The following CREB5 variants were observed in gnomAD, a reference collection of about 807,000 sequenced individuals.
The protein encoded by CREB5 is cAMP responsive element binding protein 5.
Under a neutral mutation model 57.1 loss-of-function variants are expected in CREB5, and 19 were observed. The ratio of observed to expected loss-of-function variants is 0.33; its 90% CI spans 0.23 to 0.49. The LOEUF (loss-of-function observed/expected upper bound fraction) is 0.49. Among genes scored for constraint, CREB5 ranks in the 20% least tolerant of loss-of-function variants. The pLI is 0.99. For missense variants in CREB5, 579 were observed against 671.6 expected (o/e 0.86, Z 1.52); for synonymous variants, 238 against 238.3 (o/e 1.00, Z 0.01).
In CREB5 at chr7:28,728,259, C is replaced by T. The variant is rs1232231220; in HGVS notation, c.702+3927C>T. 6.6e-5 allele frequency among the ~76,000 whole-genome samples: 10 copies of T among 152,280 alleles called. No homozygotes were observed. In the East Asian group the frequency reaches 1.2e-3, roughly 18 times the overall value. ...CTGGCCTATTGTCCCCACTTTACAG[C>T]TGAGGCAACTGAGGCTACAAACGGT... On this transcript the variant is annotated intron_variant, in intron 7 of 10. Coordinates refer to ENST00000357727, the MANE Select transcript of CREB5 (RefSeq NM_182898.4).
At chr7:28,504,727 G>C (rs1562761538) in intron 3 of CREB5, among the ~76,000 whole-genome samples, 1 of 152,122 alleles carries the variant, frequency 6.6e-6, no homozygotes, top group Non-Finnish European at 1.5e-5. Flanking sequence ...AGCACACCAG[G>C]TTCCCAGGAG....
intron 1 of CREB5, among the ~76,000 whole-genome samples, chr7:28,429,989 A>G (rs1220567331): frequency 2.6e-5 from 4 of 152,160 alleles, no homozygotes; most frequent in African/African-American, 9.7e-5. Context: ...TTGTTAGCTC[A>G]CAAAAGAGCT....
intron 1 of CREB5, among the ~76,000 whole-genome samples, chr7:28,417,065 A>G (rs1788057950): frequency 6.6e-6 from 1 of 152,188 alleles, no homozygotes; most frequent in Non-Finnish European, 1.5e-5. Flanking sequence ...GAGGGACGCA[A>G]TTCCCAGAGA....
At chr7:28,550,259 A>G (rs1296348631) in intron 4 of CREB5, among the ~76,000 whole-genome samples, 1 of 150,204 alleles carries the variant, frequency 6.7e-6, no homozygotes, top group Non-Finnish European at 1.5e-5. Context: ...TAACGTTTTC[A>G]TAGTTTCCCT....
intron 6 of CREB5, among the ~76,000 whole-genome samples, chr7:28,720,423 G>A (rs1182305185): frequency 2.0e-5 from 3 of 152,228 alleles, no homozygotes; most frequent in African/African-American, 7.2e-5. Context: ...AGAAATTGAA[G>A]GTAGCTGTCC....
At chr7:28,353,874 T>C (rs1381125543) in intron 1 of CREB5, among the ~76,000 whole-genome samples, 1 of 147,568 alleles carries the variant, frequency 6.8e-6, no homozygotes, top group Non-Finnish European at 1.5e-5. Context: ...TGGGGTGCAG[T>C]AGGAAAACTG....
chr7:28,551,996 T>TTC (rs890435394), intron 4 of CREB5, among the ~76,000 whole-genome samples: 1 of 25,250 alleles, frequency 4.0e-5, no homozygotes, highest in African/African-American at 4.5e-4. Context: ...TTTCTCTCTT[T>TTC]TCTCTCTCTC....
At chr7:28,741,614 A>G (rs1325200001) in intron 7 of CREB5, among the ~76,000 whole-genome samples, 3 of 152,170 alleles carry the variant, frequency 2.0e-5, no homozygotes, top group African/African-American at 4.8e-5. Flanking sequence ...TTTTATTACC[A>G]TGATCTTCGT....
chr7:28,560,716 A>G (rs1795051017), intron 4 of CREB5, among the ~76,000 whole-genome samples: 1 of 151,860 alleles, frequency 6.6e-6, no homozygotes, highest in Admixed American at 6.5e-5. Context: ...TTGGATGAAA[A>G]CACAGACCTG....
chr7:28,495,959 G>T (rs1042055328), intron 3 of CREB5, among the ~76,000 whole-genome samples: 2 of 151,096 alleles, frequency 1.3e-5, no homozygotes, highest in Non-Finnish European at 2.9e-5. Context: ...TTGAGAGGTA[G>T]TACGGCAAAT....
intron 1 of CREB5, among the ~76,000 whole-genome samples, chr7:28,448,666 GA>G (rs1365026792): frequency 3.3e-5 from 5 of 152,230 alleles, no homozygotes; most frequent in African/African-American, 1.2e-4. Flanking sequence ...TTGCCTTCCA[GA>G]ACATGTAAGG....
intron 1 of CREB5, among the ~76,000 whole-genome samples, chr7:28,360,841 C>T (rs1197539067): frequency 6.6e-6 from 1 of 152,180 alleles, no homozygotes; most frequent in Non-Finnish European, 1.5e-5. Context: ...AGCAATCATT[C>T]CTAGTGGTGT....
At chr7:28,542,069 A>G (rs1001782365) in intron 4 of CREB5, among the ~76,000 whole-genome samples, 3 of 152,244 alleles carry the variant, frequency 2.0e-5, no homozygotes, top group Non-Finnish European at 2.9e-5. Context: ...AGCTGATGTC[A>G]TCACAGTAGC....
chr7:28,677,458 GC>G lies in CREB5; in HGVS notation c.465-41293del, dbSNP rs1441527733. 5.9e-5 allele frequency among the ~76,000 whole-genome samples: 9 copies of G among 152,148 alleles called. No homozygotes were observed. The South Asian group carries it at 1.9e-3, about 32-fold the overall frequency. On this transcript the variant is annotated intron_variant, in intron 5 of 10. Coordinates refer to ENST00000357727, the MANE Select transcript of CREB5 (RefSeq NM_182898.4). The stretch of plus-strand genomic sequence containing the variant: ...CTGACTGATGTTTGCTGGTTGGAGT[GC>G]CAGGCCAAGGGTCAGCCTTCAAGGG...
At chr7:28,466,707 C>T (rs1306397591) in intron 1 of CREB5, among the ~76,000 whole-genome samples, 3 of 152,050 alleles carry the variant, frequency 2.0e-5, no homozygotes, top group Non-Finnish European at 4.4e-5. Flanking sequence ...TGAGAGATAC[C>T]GGAAGGGCGC....
intron 1 of CREB5, among the ~76,000 whole-genome samples, chr7:28,415,334 G>T (rs1429818635): frequency 6.6e-6 from 1 of 152,170 alleles, no homozygotes; most frequent in African/African-American, 2.4e-5. Context: ...CAGAGCTAGA[G>T]AGAGCCAAAC....
At chr7:28,313,390 T>C (rs1785315889) in intron 1 of CREB5, among the ~76,000 whole-genome samples, 1 of 152,220 alleles carries the variant, frequency 6.6e-6, no homozygotes, top group Non-Finnish European at 1.5e-5. Flanking sequence ...CTTTTGACAG[T>C]AGAGTTAAAT....
In CREB5 at chr7:28,819,805, G is replaced by T; in HGVS notation, c.*526G>T. ...TTTTTCTTACTATAAAATATTATAA[G>T]ATCCATTGATGTCCAAATAATACCA... is the stretch of plus-strand genomic sequence containing the variant. On this transcript the variant is annotated 3_prime_UTR_variant, in exon 11 of 11. Transcript: ENST00000357727. 1 of 151,364 alleles carries T rather than the reference G, an allele frequency of 6.6e-6. No homozygotes were observed. The highest frequency in any genetic ancestry group is 1.5e-5 in the Non-Finnish European group (1 of 67,918). 9.4% of individuals were successfully genotyped at this position (151,364 alleles called of 1,614,324 possible).
chr7:28,537,490 G>A (rs537152556), intron 4 of CREB5, among the ~76,000 whole-genome samples: 4 of 152,110 alleles, frequency 2.6e-5, no homozygotes, highest in African/African-American at 4.8e-5. Flanking sequence ...TGGACATGGA[G>A]GTGTACAAAG....
Sources: gnomAD v4.1 joint callset for allele counts (sites outside exome capture counted in the v4.1 genomes callset) on GRCh38, gnomAD v4.1.1 for gene constraint, MANE v1.5 for transcripts, NCBI Gene and HGNC (gene_info 2026-07-23, HGNC 2026-07-21) for gene names.